The following IRAK1BP1 variants were observed in gnomAD, a reference collection of about 807,000 sequenced individuals.
IRAK1BP1 encodes interleukin-1 receptor-associated kinase 1-binding protein 1.
IRAK1BP1 carries 24 observed loss-of-function variants against 28.0 expected under a neutral mutation model. That is an observed-to-expected ratio of 0.86 (90% confidence interval 0.62 to 1.20). The LOEUF (loss-of-function observed/expected upper bound fraction) is 1.20. Among genes scored for constraint, IRAK1BP1 ranks in the 50% most tolerant of loss-of-function variants. The pLI, the probability that IRAK1BP1 is intolerant of heterozygous loss-of-function variation, is 0.00. For missense variants in IRAK1BP1, 336 were observed against 316.7 expected (o/e 1.06, Z -0.46); for synonymous variants, 131 against 116.3 (o/e 1.13, Z -0.81).
In IRAK1BP1 at chr6:78,897,910, A is replaced by C. The variant is rs1196940363; in HGVS notation, c.463A>C (p.Ile155Leu). 2.5e-6 allele frequency: 4 copies of C among 1,613,952 alleles called. No individual in the cohort carries two copies. The highest frequency in any genetic ancestry group is 3.4e-6 in the Non-Finnish European group (4 of 1,179,962). ...TGAAAAGCTAGATAGCTCTGTTGTC[A>C]TCAGCCCACCCCAGTTCTATCATAC... is the stretch of plus-strand genomic sequence containing the variant. ...LVEKLDSSVV[I>L]SPPQFYHTPG... is the part of the protein sequence containing the mutation. Residue 155 changes from isoleucine to leucine, a missense_variant, in exon 3 of 4, where the codon ATC (isoleucine) becomes CTC (leucine). Coordinates refer to ENST00000369940, the MANE Select transcript of IRAK1BP1 (RefSeq NM_001010844.4).
intron 4 of IRAK1BP1, among the ~76,000 whole-genome samples, chr6:78,919,602 G>C (rs1772663992): frequency 6.6e-6 from 1 of 152,076 alleles, no homozygotes; most frequent in Non-Finnish European, 1.5e-5. Flanking sequence ...GAGAAAAATG[G>C]ATAAATTCCT....
At chr6:78,907,588 T>G (rs1772292299), downstream of IRAK1BP1, among the ~76,000 whole-genome samples, 1 of 152,162 alleles carries the variant, frequency 6.6e-6, no homozygotes, top group African/African-American at 2.4e-5. Flanking sequence ...AACTAAAACT[T>G]TAGAAGCTGT....
chr6:78,942,982 G>T (rs1773580460), intron 4 of IRAK1BP1, among the ~76,000 whole-genome samples: 1 of 152,100 alleles, frequency 6.6e-6, no homozygotes, highest in East Asian at 1.9e-4. Context: ...GAACGGTGTT[G>T]TCCTGGGCAC....
At chr6:78,966,638 T>C in the IRAK1BP1 span, among the ~76,000 whole-genome samples, 2 of 152,224 alleles carry the variant, frequency 1.3e-5, no homozygotes, top group East Asian at 1.9e-4. Flanking sequence ...GGACACTCCT[T>C]GTGTCTATTT....
the IRAK1BP1 span, among the ~76,000 whole-genome samples, chr6:78,962,078 A>G: frequency 3.9e-5 from 6 of 152,166 alleles, no homozygotes; most frequent in African/African-American, 1.2e-4. Context: ...ATCAGACCTA[A>G]TAAGTACACA....
the IRAK1BP1 span, among the ~76,000 whole-genome samples, chr6:78,952,979 T>G: frequency 6.6e-6 from 1 of 152,142 alleles, no homozygotes; most frequent in African/African-American, 2.4e-5. Flanking sequence ...GAGAGGGTAC[T>G]AATATTTTCA....
chr6:78,906,117 A>G (rs1454516367), downstream of IRAK1BP1, among the ~76,000 whole-genome samples: 1 of 152,258 alleles, frequency 6.6e-6, no homozygotes, highest in Non-Finnish European at 1.5e-5. Context: ...ATTGAAATTA[A>G]TAAAATACAT....
chr6:78,959,686 A>T, the IRAK1BP1 span, among the ~76,000 whole-genome samples: 1 of 152,154 alleles, frequency 6.6e-6, no homozygotes, highest in African/African-American at 2.4e-5. Context: ...GAAAACAGGC[A>T]ATTTCTAATT....
chr6:78,978,877 C>G, the IRAK1BP1 span, among the ~76,000 whole-genome samples: 1 of 152,140 alleles, frequency 6.6e-6, no homozygotes, highest in Non-Finnish European at 1.5e-5. Flanking sequence ...CACATCCATG[C>G]ATTCAACCAA....
intron 4 of IRAK1BP1, among the ~76,000 whole-genome samples, chr6:78,928,130 A>G (rs1562101546): frequency 6.6e-6 from 1 of 152,168 alleles, no homozygotes; most frequent in Non-Finnish European, 1.5e-5. Flanking sequence ...CATTTTAACA[A>G]TATTGATTCT....
At chr6:78,877,683 A>G (rs1233246884) in intron 1 of IRAK1BP1, among the ~76,000 whole-genome samples, 2 of 152,228 alleles carry the variant, frequency 1.3e-5, no homozygotes, top group African/African-American at 4.8e-5. Flanking sequence ...GAGCCGAAGC[A>G]GGGCGAGGCA....
Position 78,926,724 on chromosome 6 carries a change from C to A in IRAK1BP1, c.*68-18684C>A, listed in dbSNP as rs545327788. 4.5e-3 allele frequency among the ~76,000 whole-genome samples: 679 copies of A among 152,134 alleles called. 2 individuals carry two copies. The highest frequency in any genetic ancestry group is 6.6e-3 in the Non-Finnish European group (450 of 67,964). On this transcript the variant is annotated intron_variant and NMD_transcript_variant, in intron 4 of 4. Transcript: ENST00000606868. ...ACTACATTTCTCAGCCTCTGACAACCATCCTCTACTCCCTATCTCCATGAA... is the reference window on the plus strand; with the variant it reads ...ACTACATTTCTCAGCCTCTGACAACAATCCTCTACTCCCTATCTCCATGAA...
At chr6:78,973,144 T>A in the IRAK1BP1 span, among the ~76,000 whole-genome samples, 2 of 151,988 alleles carry the variant, frequency 1.3e-5, no homozygotes, top group African/African-American at 4.8e-5. Context: ...CGGGTTACGC[T>A]CAAAGGGAAG....
chr6:78,956,403 G>C, the IRAK1BP1 span: 1 of 152,076 alleles, frequency 6.6e-6, no homozygotes, highest in South Asian at 2.1e-4. Context: ...TTGGTCAACT[G>C]TAGCAGTCAA....
chr6:78,961,388 A>G, the IRAK1BP1 span, among the ~76,000 whole-genome samples: 1 of 152,130 alleles, frequency 6.6e-6, no homozygotes, highest in Non-Finnish European at 1.5e-5. Context: ...TATAAAATAC[A>G]ATATAAAGAC....
intron 2 of IRAK1BP1, among the ~76,000 whole-genome samples, chr6:78,897,318 G>A (rs999989001): frequency 1.1e-4 from 16 of 150,632 alleles, no homozygotes; most frequent in Non-Finnish European, 1.6e-4. Flanking sequence ...TTAACAGACC[G>A]GTTTTAAAGT....
intron 4 of IRAK1BP1, chr6:78,941,217 T>C (rs1316580351): frequency 1.9e-6 from 3 of 1,613,862 alleles, no homozygotes; most frequent in Non-Finnish European, 2.5e-6. Flanking sequence ...CTATTGGTAT[T>C]AACTTCTACT....
chr6:78,977,771 G>A, the IRAK1BP1 span, among the ~76,000 whole-genome samples: 2 of 152,090 alleles, frequency 1.3e-5, no homozygotes, highest in East Asian at 3.9e-4. Flanking sequence ...AATGTTCTGT[G>A]CTCTTCAAGT....
intron 2 of IRAK1BP1, among the ~76,000 whole-genome samples, chr6:78,894,165 T>G (rs1771797078): frequency 6.6e-6 from 1 of 151,922 alleles, no homozygotes; most frequent in South Asian, 2.1e-4. Context: ...AGCTATGAAA[T>G]AATATAATAA....
Sources: allele counts gnomAD v4.1 joint callset (sites outside exome capture counted in the v4.1 genomes callset), GRCh38; gene constraint gnomAD v4.1.1; transcripts MANE v1.5; gene names NCBI Gene and HGNC (gene_info 2026-07-23, HGNC 2026-07-21).